SGCG: variants seen among roughly 807,000 people sequenced by gnomAD.
SGCG encodes the protein gamma-sarcoglycan.
Under a neutral mutation model 29.3 loss-of-function variants are expected in SGCG, and 26 were observed. The observed-to-expected ratio is 0.89, with a 90% CI of 0.65 to 1.23. SGCG has a LOEUF of 1.23. Among genes scored for constraint, SGCG ranks in the 50% most tolerant of loss-of-function variants. The probability of loss-of-function intolerance (pLI) is 0.00; values close to 1 mark genes in which losing one functional copy is unlikely to be tolerated. For synonymous variants in SGCG, 145 were observed against 129.7 expected (o/e 1.12, Z -0.80); for missense variants, 353 against 356.0 (o/e 0.99, Z 0.07).
At chr13:23,216,326 A>G (rs1878426806) in intron 2 of SGCG, among the ~76,000 whole-genome samples, 1 of 152,156 alleles carries the variant, frequency 6.6e-6, no homozygotes, top group South Asian at 2.1e-4. Context: ...ACAGTGCCAT[A>G]TGTATAATTT....
intron 1 of SGCG, among the ~76,000 whole-genome samples, chr13:23,193,499 G>T (rs1318687351): frequency 6.6e-6 from 1 of 150,512 alleles, no homozygotes; most frequent in African/African-American, 2.4e-5. Flanking sequence ...GGCAGGCAGG[G>T]CTTGCTGATG....
In SGCG at chr13:23,214,324, AT is replaced by A. The variant is rs374325400; in HGVS notation, c.195+10437del. ...CCCATCTCCCAGACTGCAGCACCCA[AT>A]TAAAGCCTTCTTCCTTGTCACTTCA... On this transcript the variant is annotated intron_variant, in intron 2 of 7. Coordinates refer to ENST00000218867, the MANE Select transcript of SGCG (RefSeq NM_000231.3). Among the ~76,000 whole-genome samples the A allele has an allele frequency of 3.3e-3, 508 of 152,330 alleles. 2 individuals carry two copies. Among genetic ancestry groups the A allele is most frequent in the African/African-American group, 0.011 (478 of 41,572 alleles).
At chr13:23,319,621 T>C (rs948597257) in intron 6 of SGCG, among the ~76,000 whole-genome samples, 2 of 152,242 alleles carry the variant, frequency 1.3e-5, no homozygotes, top group Non-Finnish European at 2.9e-5. Flanking sequence ...AGGGTACTTC[T>C]CTCTTAAGCC....
At chr13:23,174,933 G>A in the SGCG span, among the ~76,000 whole-genome samples, 8 of 152,240 alleles carry the variant, frequency 5.3e-5, no homozygotes, top group Non-Finnish European at 8.8e-5. Context: ...TGAAAGGAGG[G>A]CTGGAGACGA....
intron 4 of SGCG, among the ~76,000 whole-genome samples, chr13:23,258,384 G>A (rs1442956838): frequency 6.6e-6 from 1 of 151,484 alleles, no homozygotes; most frequent in East Asian, 1.9e-4. Flanking sequence ...TCGTGATTTT[G>A]GCACATTGAT....
chr13:23,166,846 T>C, the SGCG span, among the ~76,000 whole-genome samples: 1 of 152,218 alleles, frequency 6.6e-6, no homozygotes, highest in Non-Finnish European at 1.5e-5. Flanking sequence ...AGGCATGCCA[T>C]GTGAGAGAAT....
At chr13:23,245,373 G>T (rs904061793) in intron 3 of SGCG, 40 of 152,166 alleles carry the variant, frequency 2.6e-4, no homozygotes, top group African/African-American at 9.7e-4. Flanking sequence ...TAGACCTAAA[G>T]ATAGCGACGC....
the SGCG span, among the ~76,000 whole-genome samples, chr13:23,175,819 G>A: frequency 6.6e-6 from 1 of 151,764 alleles, no homozygotes; most frequent in African/African-American, 2.4e-5. Context: ...CAATTTACAG[G>A]GAATATTAAT....
chr13:23,246,933 A>G (rs1705619455), intron 3 of SGCG: 1 of 153,812 alleles, frequency 6.5e-6, no homozygotes, highest in Admixed American at 6.5e-5. Flanking sequence ...TGTGGGCTTC[A>G]TGGCAATTCT....
At chr13:23,250,580 A>T in intron 3 of SGCG, 50 bp from the exon 4 acceptor site, 1 of 850,406 alleles carries the variant, frequency 1.2e-6, no homozygotes, top group Non-Finnish European at 2.0e-6. Flanking sequence ...ATAAAGATAT[A>T]ATCATTTTAA....
At chr13:23,198,311 C>A (rs1040766438) in intron 1 of SGCG, among the ~76,000 whole-genome samples, 1 of 152,122 alleles carries the variant, frequency 6.6e-6, no homozygotes, top group Non-Finnish European at 1.5e-5. Flanking sequence ...TGAAGAATAT[C>A]ATGAAGACAC....
intron 4 of SGCG, among the ~76,000 whole-genome samples, chr13:23,277,479 ATATT>A (rs2137614225): frequency 6.6e-6 from 1 of 152,256 alleles, no homozygotes; most frequent in South Asian, 2.1e-4. Flanking sequence ...CTTGCCAAAA[ATATT>A]TATTTATTTA....
rs1368808223 is a variant in SGCG at position 23,239,866 on chromosome 13, ATAAT to A, written c.297+5159_297+5162del. 4.6e-5 allele frequency among the ~76,000 whole-genome samples: 7 copies of A among 152,182 alleles called. No homozygotes were observed. In the East Asian group the frequency reaches 7.7e-4, roughly 17 times the overall value. On this transcript the variant is annotated intron_variant, in intron 3 of 7. Transcript: ENST00000218867. ...TAAGGAGATAAAAATGAAATGATAAATAATTAATCCAAAAGGAGGCAAAGGAAAC... is the reference window on the plus strand; with the variant it reads ...TAAGGAGATAAAAATGAAATGATAAATAATCCAAAAGGAGGCAAAGGAAAC...
chr13:23,224,798 G>A (rs1437401113), intron 2 of SGCG, among the ~76,000 whole-genome samples: 1 of 152,044 alleles, frequency 6.6e-6, no homozygotes, highest in African/African-American at 2.4e-5. Context: ...CTACACAATA[G>A]AATTACCTGG....
chr13:23,169,101 T>C, the SGCG span, among the ~76,000 whole-genome samples: 1 of 151,654 alleles, frequency 6.6e-6, no homozygotes, highest in Admixed American at 6.6e-5. Context: ...TTCCCACTAG[T>C]CCTCTCTTGC....
chr13:23,279,793 T>C (rs1881236527), intron 5 of SGCG, among the ~76,000 whole-genome samples: 1 of 151,696 alleles, frequency 6.6e-6, no homozygotes, highest in African/African-American at 2.4e-5. Context: ...AGTAGCACAA[T>C]CTCGGCTCAC....
intron 2 of SGCG, among the ~76,000 whole-genome samples, chr13:23,212,904 C>T (rs529338098): frequency 6.6e-6 from 1 of 152,188 alleles, no homozygotes; most frequent in East Asian, 1.9e-4. Context: ...GTCCTTGACT[C>T]GGATTTCACA....
chr13:23,216,937 T>C (rs936975328), intron 2 of SGCG, among the ~76,000 whole-genome samples: 1 of 152,142 alleles, frequency 6.6e-6, no homozygotes, highest in African/African-American at 2.4e-5. Context: ...GAGAAGCACA[T>C]TCAGCTATGT....
chr13:23,236,150 T>C (rs1361485433), intron 3 of SGCG, among the ~76,000 whole-genome samples: 1 of 152,192 alleles, frequency 6.6e-6, no homozygotes, highest in East Asian at 1.9e-4. Context: ...CTTACCTTAA[T>C]TGTGATGGCA....
Sources: gnomAD v4.1 joint callset for allele counts (sites outside exome capture counted in the v4.1 genomes callset) on GRCh38, gnomAD v4.1.1 for gene constraint, MANE v1.5 for transcripts, NCBI Gene and HGNC (gene_info 2026-07-23, HGNC 2026-07-21) for gene names.